The following CTNNA3 variants were observed in gnomAD, a reference collection of about 807,000 sequenced individuals.
CTNNA3 encodes catenin alpha-3.
A neutral mutation model predicts 95.7 loss-of-function variants in CTNNA3; 76 were observed. That is an observed-to-expected ratio of 0.79 (90% CI 0.66 to 0.96). The LOEUF (loss-of-function observed/expected upper bound fraction) is 0.96. Ranked by LOEUF, CTNNA3 falls within the 40% of genes least tolerant of loss-of-function variation. CTNNA3 has a pLI of 0.00. For synonymous variants in CTNNA3, 431 were observed against 374.4 expected (o/e 1.15, Z -1.74); for missense variants, 1,191 against 1,089.8 (o/e 1.09, Z -1.31).
At chr10:66,481,476 T>TATC (rs1375956469) in intron 11 of CTNNA3, among the ~76,000 whole-genome samples, 6 of 116,932 alleles carry the variant, frequency 5.1e-5, no homozygotes, top group African/African-American at 1.2e-4. Flanking sequence ...TTTTTTTTTT[T>TATC]TTTTTTTTTT....
chr10:66,383,924 C>T (rs1009715957), intron 11 of CTNNA3, among the ~76,000 whole-genome samples: 7 of 152,092 alleles, frequency 4.6e-5, no homozygotes, highest in African/African-American at 1.7e-4. Flanking sequence ...TCAGGCCTGC[C>T]TTACAAGAGC....
intron 7 of CTNNA3, among the ~76,000 whole-genome samples, chr10:66,857,046 A>G (rs1843709786): frequency 6.6e-6 from 1 of 152,056 alleles, no homozygotes; most frequent in Admixed American, 6.6e-5. Context: ...TAAGTTTTCC[A>G]TTTAAGTCTT....
intron 10 of CTNNA3, among the ~76,000 whole-genome samples, chr10:66,544,163 T>C (rs1841965753): frequency 6.6e-6 from 1 of 151,956 alleles, no homozygotes. Context: ...GCATTAAATA[T>C]TTTAATCTGC....
intron 5 of CTNNA3, among the ~76,000 whole-genome samples, chr10:67,232,385 C>T (rs572208923): frequency 2.0e-5 from 3 of 152,038 alleles, no homozygotes; most frequent in South Asian, 2.1e-4. Flanking sequence ...GAATTTTCAA[C>T]CCAGAATTTC....
At chr10:67,727,726 A>C (rs1841246994) in intron 1 of CTNNA3, among the ~76,000 whole-genome samples, 1 of 127,754 alleles carries the variant, frequency 7.8e-6, no homozygotes, top group South Asian at 2.3e-4. Context: ...AAAACTAGTC[A>C]CTGTTGAGGA....
intron 5 of CTNNA3, among the ~76,000 whole-genome samples, chr10:67,427,912 T>C (rs955304245): frequency 6.6e-6 from 1 of 152,060 alleles, no homozygotes; most frequent in Admixed American, 6.6e-5. Flanking sequence ...GTTAGTTCAA[T>C]AGAGGGAGAC....
intron 11 of CTNNA3, among the ~76,000 whole-genome samples, chr10:66,385,114 A>C (rs1589171102): frequency 1.3e-5 from 2 of 152,212 alleles, no homozygotes; most frequent in African/African-American, 4.8e-5. Flanking sequence ...AAAGAGATAG[A>C]GACACAAAAA....
chr10:67,658,935 T>C (rs1425671713), intron 1 of CTNNA3, among the ~76,000 whole-genome samples: 1 of 152,154 alleles, frequency 6.6e-6, no homozygotes, highest in Non-Finnish European at 1.5e-5. Context: ...CTTATTGATG[T>C]TTTTGAAAAA....
intron 10 of CTNNA3, among the ~76,000 whole-genome samples, chr10:66,592,798 G>A (rs867428632): frequency 3.9e-5 from 6 of 152,276 alleles, no homozygotes; most frequent in African/African-American, 1.4e-4. Context: ...GCAGAAAGAG[G>A]TGGGAGACAC....
At chr10:66,067,238 T>C (rs1231720907) in intron 15 of CTNNA3, among the ~76,000 whole-genome samples, 1 of 152,166 alleles carries the variant, frequency 6.6e-6, no homozygotes, top group Non-Finnish European at 1.5e-5. Context: ...ATTGTACTAG[T>C]CATACAATAA....
At chr10:66,875,312 C>T (rs10762118) in intron 7 of CTNNA3, among the ~76,000 whole-genome samples, 113,812 of 151,518 alleles carry the variant, frequency 0.75, 44,044 homozygotes, top group South Asian at 0.85. Flanking sequence ...AAAAATAAAC[C>T]TGGGTCCTAT....
intron 12 of CTNNA3, among the ~76,000 whole-genome samples, chr10:66,358,691 T>C (rs576186601): frequency 6.2e-4 from 94 of 152,308 alleles, no homozygotes; most frequent in Non-Finnish European, 9.7e-4. Flanking sequence ...ACCTAAAGTA[T>C]CTTTGCAATC....
At chr10:67,268,895 TA>T (rs1276213367) in intron 5 of CTNNA3, among the ~76,000 whole-genome samples, 4 of 152,062 alleles carry the variant, frequency 2.6e-5, no homozygotes, top group Non-Finnish European at 4.4e-5. Flanking sequence ...CATGCAATAA[TA>T]ACTACTAAAA....
intron 7 of CTNNA3, among the ~76,000 whole-genome samples, chr10:66,896,380 G>C (rs565987503): frequency 6.6e-6 from 1 of 152,232 alleles, no homozygotes; most frequent in South Asian, 2.1e-4. Context: ...AACAAGTTTA[G>C]GGGGTGTGGT....
intron 7 of CTNNA3, among the ~76,000 whole-genome samples, chr10:66,826,740 T>A (rs1308151395): frequency 6.6e-6 from 1 of 152,218 alleles, no homozygotes; most frequent in Non-Finnish European, 1.5e-5. Context: ...TGTGATTGTA[T>A]CCTGGTAACT....
intron 11 of CTNNA3, among the ~76,000 whole-genome samples, chr10:66,420,572 G>A (rs544915091): frequency 2.6e-5 from 4 of 152,024 alleles, no homozygotes; most frequent in East Asian, 3.9e-4. Flanking sequence ...AATCTGAGAC[G>A]GGCAGGTCAT....
intron 11 of CTNNA3, among the ~76,000 whole-genome samples, chr10:66,487,677 T>C (rs1420052255): frequency 6.6e-6 from 1 of 152,156 alleles, no homozygotes; most frequent in Non-Finnish European, 1.5e-5. Flanking sequence ...CCTGAATATA[T>C]ACAATTTATT....
intron 5 of CTNNA3, among the ~76,000 whole-genome samples, chr10:67,333,529 T>A (rs1301992355): frequency 6.6e-6 from 1 of 152,204 alleles, no homozygotes; most frequent in Non-Finnish European, 1.5e-5. Context: ...TGTACTTTTT[T>A]GTCCCCATTT....
chr10:66,419,213 T>C (rs1234853645), intron 11 of CTNNA3, among the ~76,000 whole-genome samples: 1 of 152,096 alleles, frequency 6.6e-6, no homozygotes, highest in African/African-American at 2.4e-5. Context: ...AAAGTAGTAT[T>C]TCTATACACC....
Sources: gnomAD v4.1 joint callset for allele counts (sites outside exome capture counted in the v4.1 genomes callset) on GRCh38, gnomAD v4.1.1 for gene constraint, MANE v1.5 for transcripts, NCBI Gene and HGNC (gene_info 2026-07-23, HGNC 2026-07-21) for gene names.